The following ZHX2 variants were observed in gnomAD, a reference collection of about 807,000 sequenced individuals.
ZHX2 encodes the protein zinc fingers and homeoboxes 2, also known as zinc fingers and homeoboxes protein 2.
In ZHX2, 6 loss-of-function variants were observed where a neutral mutation model predicts 21.9. That is an observed-to-expected ratio of 0.27 (90% confidence interval 0.15 to 0.54). ZHX2 has a LOEUF of 0.54. ZHX2 is among the 20% of genes least tolerant of loss of function. The pLI is 0.95. For synonymous variants in ZHX2, 434 were observed against 437.1 expected (o/e 0.99, Z 0.09); for missense variants, 908 against 1,090.7 (o/e 0.83, Z 2.36).
intron 3 of ZHX2, among the ~76,000 whole-genome samples, chr8:122,963,486 TG>T (rs1813507610): frequency 6.6e-6 from 1 of 152,234 alleles, no homozygotes; most frequent in Admixed American, 6.5e-5. Flanking sequence ...TCTATGTGCC[TG>T]TTTTTATACC....
intron 2 of ZHX2, among the ~76,000 whole-genome samples, chr8:122,879,269 C>T (rs1381002617): frequency 2.0e-5 from 3 of 152,072 alleles, no homozygotes; most frequent in South Asian, 2.1e-4. Context: ...TGCAGTGGCA[C>T]GATCTTGGCT....
intron 1 of ZHX2, among the ~76,000 whole-genome samples, chr8:122,829,518 G>A (rs1818327521): frequency 6.6e-6 from 1 of 152,144 alleles, no homozygotes. Context: ...ATACAAATCA[G>A]GGAGAAAATG....
At chr8:122,898,132 C>G (rs930109821) in intron 2 of ZHX2, among the ~76,000 whole-genome samples, 4 of 152,144 alleles carry the variant, frequency 2.6e-5, no homozygotes, top group African/African-American at 4.8e-5. Context: ...GTAGTTTTTA[C>G]AAAAAACCCA....
chr8:122,826,698 G>A (rs1025985625), intron 1 of ZHX2, among the ~76,000 whole-genome samples: 1 of 152,144 alleles, frequency 6.6e-6, no homozygotes, highest in Non-Finnish European at 1.5e-5. Context: ...GTGTGTAAGG[G>A]GCGATTGTCT....
intron 2 of ZHX2, among the ~76,000 whole-genome samples, chr8:122,916,463 G>A (rs1820604870): frequency 6.6e-6 from 1 of 152,202 alleles, no homozygotes; most frequent in Non-Finnish European, 1.5e-5. Flanking sequence ...CCAGTGGAGA[G>A]GGGCTTCGGT....
chr8:122,918,770 C>G (rs1053194255), intron 2 of ZHX2, among the ~76,000 whole-genome samples: 4 of 151,952 alleles, frequency 2.6e-5, no homozygotes, highest in African/African-American at 9.7e-5. Flanking sequence ...AATGGTGAAA[C>G]CCCATCTCTA....
intron 1 of ZHX2, among the ~76,000 whole-genome samples, chr8:122,822,646 T>G (rs1175772455): frequency 6.6e-6 from 1 of 152,108 alleles, no homozygotes. Flanking sequence ...ATCTCCCCAC[T>G]CCTGGGAAGC....
intron 1 of ZHX2, among the ~76,000 whole-genome samples, chr8:122,843,342 T>G (rs1476438985): frequency 6.6e-6 from 1 of 152,244 alleles, no homozygotes; most frequent in Non-Finnish European, 1.5e-5. Context: ...AAACGTGGGC[T>G]ATTTTCTTTA....
chr8:122,922,001 C>G (rs922969774), intron 2 of ZHX2, among the ~76,000 whole-genome samples: 5 of 152,118 alleles, frequency 3.3e-5, no homozygotes, highest in African/African-American at 7.2e-5. Context: ...AACAAATACA[C>G]AGGGGCCTCT....
Position 122,892,252 on chromosome 8 carries a change from T to C in ZHX2, c.-220+28713T>C, listed in dbSNP as rs1039058300. Among the ~76,000 whole-genome samples the C allele has an allele frequency of 7.1e-4, 108 of 152,232 alleles. 2 individuals are homozygous for C. Among genetic ancestry groups the C allele is most frequent in the African/African-American group, 2.5e-3 (104 of 41,464 alleles). On this transcript the variant is annotated intron_variant, in intron 2 of 3. Coordinates refer to ENST00000314393, the MANE Select transcript of ZHX2 (RefSeq NM_014943.5). ...ATATAAGTATAGCTACTGCTGCTTG[T>C]TTCAGATTCTGTTTGCATGGAATAT...
chr8:122,903,064 A>G (rs1207094953), intron 2 of ZHX2, among the ~76,000 whole-genome samples: 1 of 152,160 alleles, frequency 6.6e-6, no homozygotes, highest in Non-Finnish European at 1.5e-5. Flanking sequence ...CCTTTCCCCA[A>G]GTCAGGACAC....
rs1294234646 is a variant in ZHX2 at position 122,966,214 on chromosome 8, G to GT, written c.*5-7019dup. 1.7e-4 allele frequency among the ~76,000 whole-genome samples: 25 copies of GT among 150,438 alleles called. 1 individual carries two copies. The highest frequency in any genetic ancestry group is 3.4e-3 in the Middle Eastern group (1 of 290). On this transcript the variant is annotated intron_variant, in intron 3 of 3. Coordinates refer to ENST00000314393, the MANE Select transcript of ZHX2 (RefSeq NM_014943.5). ...TTCTAGTTGTTGCATGAATACCTTG[G>GT]TTTTTTTTTCACTGTGTTACTGTTT...
intron 1 of ZHX2, among the ~76,000 whole-genome samples, chr8:122,849,712 AT>A (rs1303948299): frequency 3.9e-5 from 6 of 152,134 alleles, no homozygotes; most frequent in African/African-American, 1.4e-4. Flanking sequence ...CCTTAACTTA[AT>A]TACATCTACA....
intron 1 of ZHX2, among the ~76,000 whole-genome samples, chr8:122,838,485 G>A (rs909801846): frequency 3.3e-5 from 5 of 151,522 alleles, no homozygotes; most frequent in African/African-American, 9.7e-5. Flanking sequence ...TGAATAGTAC[G>A]ATAATTAAAC....
intron 1 of ZHX2, among the ~76,000 whole-genome samples, chr8:122,833,763 G>T (rs923065906): frequency 3.3e-5 from 5 of 151,980 alleles, no homozygotes; most frequent in Non-Finnish European, 7.4e-5. Context: ...GTGGGAGGCC[G>T]AGGCGGGTGG....
intron 2 of ZHX2, among the ~76,000 whole-genome samples, chr8:122,890,322 T>A (rs1456581167): frequency 6.6e-6 from 1 of 152,240 alleles, no homozygotes; most frequent in Non-Finnish European, 1.5e-5. Context: ...TCTATATGTC[T>A]TTTATAATGC....
chr8:122,940,602 A>G (rs1219559331), intron 2 of ZHX2, among the ~76,000 whole-genome samples: 4 of 152,206 alleles, frequency 2.6e-5, no homozygotes, highest in Admixed American at 6.5e-5. Flanking sequence ...TTGGTTAGAA[A>G]GGATCATGTC....
chr8:122,798,531 A>G (rs1460743348), intron 1 of ZHX2, among the ~76,000 whole-genome samples: 1 of 152,188 alleles, frequency 6.6e-6, no homozygotes, highest in East Asian at 1.9e-4. Context: ...GGTGGCTCAC[A>G]CTTGTAATCT....
chr8:122,919,648 T>G (rs1820688840), intron 2 of ZHX2, among the ~76,000 whole-genome samples: 2 of 152,320 alleles, frequency 1.3e-5, no homozygotes, highest in South Asian at 4.1e-4. Flanking sequence ...TACTTCTGCA[T>G]CTATTGTCTC....
Sources: gnomAD v4.1 joint callset for allele counts (sites outside exome capture counted in the v4.1 genomes callset) on GRCh38, gnomAD v4.1.1 for gene constraint, MANE v1.5 for transcripts, NCBI Gene and HGNC (gene_info 2026-07-23, HGNC 2026-07-21) for gene names.